The following CBLC variants were observed in gnomAD, a reference collection of about 807,000 sequenced individuals.
CBLC encodes E3 ubiquitin-protein ligase CBL-C.
CBLC carries 46 observed loss-of-function variants against 58.6 expected under a neutral mutation model. The ratio of observed to expected loss-of-function variants is 0.79; its 90% CI spans 0.62 to 1.00. CBLC has a LOEUF of 1.00. Ranked by LOEUF, CBLC falls within the 50% of genes least tolerant of loss-of-function variation. CBLC has a pLI of 0.00. For synonymous variants in CBLC, 271 were observed against 264.2 expected (o/e 1.03, Z -0.25); for missense variants, 655 against 625.8 (o/e 1.05, Z -0.50).
At position 44,784,672 on chromosome 19, in the gene CBLC, CTCCAT is replaced by C. The variant is rs569705402; in HGVS notation, c.917+275_917+279del. On this transcript the variant is annotated intron_variant, in intron 5 of 10. Coordinates refer to ENST00000647358, the MANE Select transcript of CBLC (RefSeq NM_012116.4). ...GGGGCATTGGGCACAACCGCAAGGG[CTCCAT>C]TCCTTGGAACTGAGCTCAAGAGCGT... 3.6e-3 allele frequency among the ~76,000 whole-genome samples: 541 copies of C among 152,288 alleles called. 4 individuals carry two copies. The highest frequency in any genetic ancestry group is 6.1e-3 in the Non-Finnish European group (416 of 68,026).
intron 9 of CBLC, among the ~76,000 whole-genome samples, chr19:44,795,785 C>A (rs756344807): frequency 3.3e-5 from 5 of 152,162 alleles, no homozygotes; most frequent in East Asian, 1.9e-4. Flanking sequence ...GCAGGTCAGG[C>A]CTTTGTTGTC....
chr19:44,794,352 G>T, intron 9 of CBLC, 71 bp downstream of exon 9: 2 of 1,442,452 alleles, frequency 1.4e-6, no homozygotes, highest in Non-Finnish European at 1.9e-6. Flanking sequence ...GTTCACCTGT[G>T]CACTCAGGGG....
chr19:44,788,458 ATTTATTT>A (rs1369003389), intron 5 of CBLC, among the ~76,000 whole-genome samples: 1 of 132,894 alleles, frequency 7.5e-6, no homozygotes, highest in Non-Finnish European at 1.6e-5. Context: ...TGTCTTTCTT[ATTTATTT>A]ATTTTTAAAA....
chr19:44,779,553 CTTTT>C (rs774514447), intron 1 of CBLC, among the ~76,000 whole-genome samples: 2 of 137,300 alleles, frequency 1.5e-5, no homozygotes, highest in Admixed American at 7.3e-5. Context: ...TGTAGTGTCT[CTTTT>C]TTTTTTTTTT....
At chr19:44,800,496 A>C (rs1599878092) in intron 10 of CBLC, 46 bp downstream of exon 10, 1 of 1,199,328 alleles carries the variant, frequency 8.3e-7, no homozygotes, top group Non-Finnish European at 1.2e-6. Context: ...ACCCCACTCC[A>C]CCCTCCTCCA....
rs375204281 is a variant in CBLC at position 44,779,555 on chromosome 19, T to C, written c.353+1271T>C. Among the ~76,000 whole-genome samples the C allele has an allele frequency of 1.2e-3, 176 of 146,056 alleles. 3 individuals carry two copies. The highest frequency in any genetic ancestry group is 0.012 in the South Asian group (55 of 4,654). ...ATATTAAATATTTTGTAGTGTCTCT[T>C]TTTTTTTTTTTTTGGACACAAGGTC... On this transcript the variant is annotated intron_variant, in intron 1 of 10. Coordinates refer to ENST00000647358, the MANE Select transcript of CBLC (RefSeq NM_012116.4).
At chr19:44,786,693 C>T (rs1440783989) in intron 5 of CBLC, among the ~76,000 whole-genome samples, 2 of 152,182 alleles carry the variant, frequency 1.3e-5, no homozygotes, top group African/African-American at 4.8e-5. Context: ...AGCAGTATAA[C>T]TTGTGTCTCA....
chr19:44,784,672 C>G (rs931103722), intron 5 of CBLC, among the ~76,000 whole-genome samples: 1 of 152,170 alleles, frequency 6.6e-6, no homozygotes, highest in Non-Finnish European at 1.5e-5. Context: ...ACCGCAAGGG[C>G]TCCATTCCTT....
rs561751676 is a variant in CBLC at position 44,779,767 on chromosome 19, G to A, written c.354-1138G>A. ...GAGGTCTTGCTATGTTGGCTAGGCC[G>A]GTCTCAAACTCCTGGCCTCATGCGA... On this transcript the variant is annotated intron_variant, in intron 1 of 10. Coordinates refer to ENST00000647358, the MANE Select transcript of CBLC (RefSeq NM_012116.4). 6.8e-4 allele frequency among the ~76,000 whole-genome samples: 103 copies of A among 151,922 alleles called. 1 individual carries two copies. The Middle Eastern group carries it at 0.02, about 30-fold the overall frequency.
In CBLC at chr19:44,777,904, G is replaced by T. The variant is rs1057366149; in HGVS notation, c.-28G>T. ...AGGCCGCCCCTATCCCAGCCGCACC[G>T]GTCCTTCCCGGCACACGCGAGGCTC... On this transcript the variant is annotated 5_prime_UTR_variant, in exon 1 of 11. Transcript: ENST00000647358. 17 of 1,514,596 alleles carry T rather than the reference G, an allele frequency of 1.1e-5. No individual in the cohort carries two copies. Among genetic ancestry groups the T allele is most frequent in the Non-Finnish European group, 1.3e-5 (15 of 1,139,558 alleles). 93.8% of individuals were successfully genotyped at this position (1,514,596 alleles called of 1,614,324 possible).
At chr19:44,796,683 C>G (rs549785767) in intron 9 of CBLC, among the ~76,000 whole-genome samples, 31 of 152,232 alleles carry the variant, frequency 2.0e-4, no homozygotes, top group Admixed American at 5.9e-4. Flanking sequence ...CCGCGCCCGG[C>G]CTACTTATTT....
At chr19:44,777,887 C>A, upstream of CBLC, 1 of 1,466,456 alleles carries the variant, frequency 6.8e-7, no homozygotes, top group South Asian at 1.4e-5. Context: ...CGAGGCCGCC[C>A]CTATCCCAGC....
chr19:44,778,270 G>C lies in CBLC; in HGVS notation c.339G>C (p.Ala113=), dbSNP rs1428410026. The C allele has an allele frequency of 6.9e-7, 1 of 1,439,678 alleles. No individual in the cohort carries two copies. Among genetic ancestry groups the C allele is most frequent in the Non-Finnish European group, 9.1e-7 (1 of 1,098,800 alleles). 89.2% of individuals were successfully genotyped at this position (1,439,678 alleles called of 1,614,324 possible). A position where few individuals can be genotyped will look rare whatever the true frequency, so the allele number is the denominator to read the frequency against. The part of the protein sequence containing the change: ...RRSANDELFR[A]GSRLRRQLAK... ...GTGCCAACGACGAGCTCTTCCGGGC[G>C]GGCTCCAGACTCAGGTGAGCCTTCG... Residue 113 remains alanine, a synonymous_variant, in exon 1 of 11, where the codon GCG becomes GCC. Coordinates refer to ENST00000647358, the MANE Select transcript of CBLC (RefSeq NM_012116.4).
At position 44,778,015 on chromosome 19, in the gene CBLC, A is replaced by G. The variant is rs1419899891; in HGVS notation, c.84A>G (p.Leu28=). The G allele has an allele frequency of 1.9e-6, 3 of 1,609,108 alleles. No homozygotes were observed. The highest frequency in any genetic ancestry group is 1.7e-6 in the Non-Finnish European group (2 of 1,179,574). ...LGRAVRMLQR[L]EEQCVDPRLS... Reference sequence around the variant, plus strand: ...GGGCAGTCAGGATGCTGCAGCGCCTAGAAGAGCAATGCGTCGACCCCCGGC... The same window carrying G: ...GGGCAGTCAGGATGCTGCAGCGCCTGGAAGAGCAATGCGTCGACCCCCGGC... The change falls in exon 1 of 11, where the codon CTA becomes CTG. Residue 28 remains leucine, a synonymous_variant. Transcript: ENST00000647358.
intron 6 of CBLC, among the ~76,000 whole-genome samples, chr19:44,790,356 A>G (rs1968015299): frequency 6.6e-6 from 1 of 152,208 alleles, no homozygotes; most frequent in African/African-American, 2.4e-5. Context: ...TTTGCCAGCA[A>G]TAGCCCCGTG....
intron 9 of CBLC, among the ~76,000 whole-genome samples, chr19:44,796,975 A>C (rs1410949969): frequency 6.6e-6 from 1 of 152,138 alleles, no homozygotes; most frequent in Admixed American, 6.6e-5. Context: ...TGCCGCCAAA[A>C]GCAAATGGAA....
chr19:44,780,856 T>C, intron 1 of CBLC, 49 bp from the exon 2 acceptor site: 1 of 1,586,228 alleles, frequency 6.3e-7, no homozygotes, highest in Non-Finnish European at 8.6e-7. Context: ...AGGAAGAGGG[T>C]GTCAGTGGGA....
At chr19:44,799,782 A>G (rs1968252789) in intron 9 of CBLC, among the ~76,000 whole-genome samples, 1 of 151,464 alleles carries the variant, frequency 6.6e-6, no homozygotes, top group African/African-American at 2.4e-5. Context: ...GGAGGGAGGG[A>G]AAGAGAAAAA....
Position 44,792,449 on chromosome 19 carries a change from A to G in CBLC, c.1072A>G (p.Asn358Asp). The G allele has an allele frequency of 1.2e-6, 2 of 1,613,276 alleles. No homozygotes were observed. Among genetic ancestry groups the G allele is most frequent in the Non-Finnish European group, 1.7e-6 (2 of 1,179,774 alleles). The change falls in exon 7 of 11, where the codon AAC (asparagine) becomes GAC (aspartate). Residue 358 changes from asparagine (N) to aspartate (D), a missense_variant. Physicochemically the swap from Asn to Asp is conservative, Grantham distance 23. This residue lies in a region of CBLC where 371 missense variants were observed against 370.8 expected (regional missense o/e 1.00). Coordinates refer to ENST00000647358, the MANE Select transcript of CBLC (RefSeq NM_012116.4). ...GCTCTGCAAGATCTGTGCTGAGAGC[A>G]ACAAGGATGTGAAGATTGAGCCGTG... is the stretch of plus-strand genomic sequence containing the variant. ...FELCKICAES[N>D]KDVKIEPCGH...
Sources: gnomAD v4.1 joint callset for allele counts (sites outside exome capture counted in the v4.1 genomes callset) on GRCh38, gnomAD v4.1.1 for gene constraint, gnomAD v4.1.1 regional missense constraint, MANE v1.5 for transcripts, NCBI Gene and HGNC (gene_info 2026-07-23, HGNC 2026-07-21) for gene names.